Variants in NEK11 observed in about 807,000 individuals in gnomAD.
The protein encoded by NEK11 is NIMA related kinase 11.
Under a neutral mutation model 80.7 loss-of-function variants are expected in NEK11, and 72 were observed. That is an observed-to-expected ratio of 0.89 (90% CI 0.74 to 1.08). The LOEUF is 1.08. Ranked by LOEUF, NEK11 falls within the 50% of genes least tolerant of loss-of-function variation. The pLI, the probability that NEK11 is intolerant of heterozygous loss-of-function variation, is 0.00. For synonymous variants in NEK11, 251 were observed against 260.7 expected (o/e 0.96, Z 0.36); for missense variants, 764 against 763.6 (o/e 1.00, Z -0.01).
At chr3:131,128,835 G>A (rs1182914503) in intron 5 of NEK11, among the ~76,000 whole-genome samples, 3 of 152,106 alleles carry the variant, frequency 2.0e-5, no homozygotes, top group Non-Finnish European at 2.9e-5. Context: ...TCAGTGTCTC[G>A]ATTTGGGCCG....
At chr3:131,288,109 G>A (rs1454774800) in intron 17 of NEK11, among the ~76,000 whole-genome samples, 1 of 152,130 alleles carries the variant, frequency 6.6e-6, no homozygotes, top group African/African-American at 2.4e-5. Context: ...ACATTTAAGG[G>A]GAGAGAGGTC....
At chr3:131,114,476 G>A (rs2080701065) in intron 5 of NEK11, among the ~76,000 whole-genome samples, 1 of 152,174 alleles carries the variant, frequency 6.6e-6, no homozygotes, top group African/African-American at 2.4e-5. Flanking sequence ...TGCTCTACAT[G>A]TCTTCATTCC....
chr3:131,099,444 A>G (rs1332696016), intron 4 of NEK11, among the ~76,000 whole-genome samples: 8 of 152,166 alleles, frequency 5.3e-5, no homozygotes, highest in Non-Finnish European at 7.4e-5. Flanking sequence ...TGCTTTGGCT[A>G]TTCAGGCTCT....
In NEK11 at chr3:131,133,936, T is replaced by C; in HGVS notation, c.627T>C (p.Tyr209=). The change falls in exon 7 of 18, where the codon TAT becomes TAC. Residue 209 remains tyrosine (Y), a synonymous_variant. Coordinates refer to ENST00000383366, the MANE Select transcript of NEK11 (RefSeq NM_024800.5). ...MSPEALKHQG[Y]DTKSDIWSLA... ...CTGAGGCTCTGAAACACCAAGGCTA[T>C]GACACAAAGTCGGACATCTGGTGAG... 6.2e-7 allele frequency: 1 copy of C among 1,610,428 alleles called. No homozygotes were observed. Among genetic ancestry groups the C allele is most frequent in the Non-Finnish European group, 8.5e-7 (1 of 1,177,944 alleles).
intron 14 of NEK11, among the ~76,000 whole-genome samples, chr3:131,194,965 G>A (rs1007786282): frequency 3.0e-4 from 45 of 152,212 alleles, no homozygotes; most frequent in Non-Finnish European, 5.7e-4. Flanking sequence ...CATGGATTCT[G>A]AGGTACTATT....
chr3:131,191,479 C>T (rs542537264), intron 14 of NEK11, among the ~76,000 whole-genome samples: 1 of 152,128 alleles, frequency 6.6e-6, no homozygotes, highest in Non-Finnish European at 1.5e-5. Context: ...GCTGTGCCCT[C>T]TTCTATTTTT....
chr3:131,142,685 A>G (rs746270321), intron 7 of NEK11, among the ~76,000 whole-genome samples: 2 of 152,192 alleles, frequency 1.3e-5, no homozygotes, highest in Non-Finnish European at 2.9e-5. Flanking sequence ...AAAATCTATA[A>G]CTGTGACCTT....
At chr3:131,061,506 A>T (rs1203580934) in intron 3 of NEK11, among the ~76,000 whole-genome samples, 1 of 152,032 alleles carries the variant, frequency 6.6e-6, no homozygotes, top group Non-Finnish European at 1.5e-5. Context: ...GCTATATATA[A>T]AATGACAAAG....
Position 131,349,719 on chromosome 3 carries a change from T to G in NEK11, c.1881T>G (p.Phe627Leu). 2 of 1,614,194 alleles carry G rather than the reference T, an allele frequency of 1.2e-6. No homozygotes were observed. The highest frequency in any genetic ancestry group is 1.7e-6 in the Non-Finnish European group (2 of 1,180,020). Reference sequence around the variant, plus strand: ...TTGAAGTGGACCAGCTCCTGTACTTTGAAGAGCAGTTGCTGATCACGATGG... The same window carrying G: ...TTGAAGTGGACCAGCTCCTGTACTTGGAAGAGCAGTTGCTGATCACGATGG... The part of the protein sequence containing the change: ...DCFEVDQLLY[F>L]EEQLLITMGK... The change falls in exon 18 of 18, where the codon TTT (phenylalanine) becomes TTG (leucine). Residue 627 changes from phenylalanine to leucine, a missense_variant. By Grantham distance (22) the Phe-to-Leu change is conservative. Coordinates refer to ENST00000383366, the MANE Select transcript of NEK11 (RefSeq NM_024800.5).
At chr3:131,346,838 GGC>G (rs2097370717) in intron 17 of NEK11, among the ~76,000 whole-genome samples, 1 of 152,150 alleles carries the variant, frequency 6.6e-6, no homozygotes, top group African/African-American at 2.4e-5. Flanking sequence ...TGTAGTCATT[GGC>G]ACTGATGAGG....
intron 15 of NEK11, among the ~76,000 whole-genome samples, chr3:131,237,547 A>G (rs1445986763): frequency 6.6e-6 from 1 of 151,980 alleles, no homozygotes. Flanking sequence ...CTTCAGTTCT[A>G]TTTTCGCAGA....
chr3:131,045,463 G>T (rs528848736), intron 3 of NEK11, among the ~76,000 whole-genome samples: 50 of 152,294 alleles, frequency 3.3e-4, no homozygotes, highest in Non-Finnish European at 6.0e-4. Context: ...GGTTTTGAGA[G>T]TTCCTTTTGG....
chr3:131,113,111 A>C (rs1467516250), intron 5 of NEK11, among the ~76,000 whole-genome samples: 1 of 152,208 alleles, frequency 6.6e-6, no homozygotes, highest in Non-Finnish European at 1.5e-5. Context: ...TGAACTCAGT[A>C]AGTTGAAATG....
chr3:131,283,516 C>CTGTGTGTG (rs4044351), intron 17 of NEK11, among the ~76,000 whole-genome samples: 11 of 147,358 alleles, frequency 7.5e-5, no homozygotes, highest in East Asian at 2.0e-4. Context: ...CAGGCTATTA[C>CTGTGTGTG]TGTGTGTGTG....
intron 17 of NEK11, among the ~76,000 whole-genome samples, chr3:131,334,211 G>C (rs1278829275): frequency 2.6e-5 from 4 of 152,186 alleles, no homozygotes; most frequent in South Asian, 2.1e-4. Context: ...TGACCACATA[G>C]TTGGAAGTAA....
At chr3:131,116,942 T>C (rs1271436557) in intron 5 of NEK11, among the ~76,000 whole-genome samples, 1 of 152,212 alleles carries the variant, frequency 6.6e-6, no homozygotes, top group East Asian at 1.9e-4. Context: ...TTCACTCTGA[T>C]GGTAGTTTCT....
At chr3:131,127,457 A>G (rs989078746) in intron 5 of NEK11, among the ~76,000 whole-genome samples, 2 of 151,138 alleles carry the variant, frequency 1.3e-5, no homozygotes, top group Admixed American at 6.6e-5. Context: ...AAATATATAT[A>G]TGCACTCCTA....
chr3:131,328,137 T>A (rs1199570517), intron 17 of NEK11, among the ~76,000 whole-genome samples: 2 of 151,908 alleles, frequency 1.3e-5, no homozygotes, highest in Non-Finnish European at 2.9e-5. Flanking sequence ...ATTTTTTTTT[T>A]AATGAGCTGG....
intron 4 of NEK11, among the ~76,000 whole-genome samples, chr3:131,097,268 T>C (rs1318187251): frequency 1.3e-5 from 2 of 151,366 alleles, no homozygotes; most frequent in Non-Finnish European, 2.9e-5. Context: ...GATGGCTGGG[T>C]CAAATGCTAT....
Sources: gnomAD v4.1 joint callset for allele counts (sites outside exome capture counted in the v4.1 genomes callset) on GRCh38, gnomAD v4.1.1 for gene constraint, MANE v1.5 for transcripts, NCBI Gene and HGNC (gene_info 2026-07-23, HGNC 2026-07-21) for gene names.